The following ZC3H12B variants were observed in gnomAD, a reference collection of about 807,000 sequenced individuals.
ZC3H12B encodes the protein zinc finger CCCH-type containing 12B.
A neutral mutation model predicts 43.9 loss-of-function variants in ZC3H12B; 7 were observed. That is an observed-to-expected ratio of 0.16 (90% CI 0.09 to 0.30). The LOEUF (loss-of-function observed/expected upper bound fraction) is 0.30, where lower values mean the gene tolerates loss of function less well. ZC3H12B is among the 10% of genes least tolerant of loss of function. The probability of loss-of-function intolerance (pLI) is 1.00; values close to 1 mark genes in which losing one functional copy is unlikely to be tolerated. For missense variants in ZC3H12B, 475 were observed against 670.2 expected, an observed-to-expected ratio of 0.71 and a Z score of 3.22; for synonymous variants, 222 against 241.7, an observed-to-expected ratio of 0.92 and a Z score of 0.76.
chrX:65,367,498 T>A (rs928782075), intron 1 of ZC3H12B, among the ~76,000 whole-genome samples: 7 of 111,914 alleles, frequency 6.3e-5, no homozygotes, highest in African/African-American at 2.3e-4. Flanking sequence ...AATTTGCTTA[T>A]GTATAAATGA....
chrX:65,322,746 A>G, the ZC3H12B span, among the ~76,000 whole-genome samples: 13 of 111,511 alleles, frequency 1.2e-4, no homozygotes, highest in African/African-American at 4.2e-4. Context: ...TTCCACGCAA[A>G]GTTTAGAATT....
At chrX:65,429,483 G>A (rs1043223236) in intron 3 of ZC3H12B, among the ~76,000 whole-genome samples, 14 of 112,169 alleles carry the variant, frequency 1.2e-4, no homozygotes, top group African/African-American at 2.6e-4. Context: ...GGTTCCAACC[G>A]GTAAGGAGGA....
intron 2 of ZC3H12B, among the ~76,000 whole-genome samples, chrX:65,383,559 T>C (rs1484465101): frequency 1.8e-5 from 2 of 111,558 alleles, no homozygotes; most frequent in African/African-American, 6.5e-5. Flanking sequence ...ACTTCATGTC[T>C]AAAACACCAA....
At chrX:65,157,922 C>A in the ZC3H12B span, among the ~76,000 whole-genome samples, 1 of 69,060 alleles carries the variant, frequency 1.4e-5, no homozygotes, top group Non-Finnish European at 2.8e-5. Context: ...TCCCTCCCCC[C>A]TCCCCCCACC....
At chrX:65,364,490 A>G (rs1357835427), upstream of ZC3H12B, among the ~76,000 whole-genome samples, 2 of 109,711 alleles carry the variant, frequency 1.8e-5, no homozygotes, top group East Asian at 5.7e-4. Flanking sequence ...GGCAGTGCTT[A>G]TGCTGATAAT....
chrX:65,322,584 C>T, the ZC3H12B span, among the ~76,000 whole-genome samples: 1 of 111,641 alleles, frequency 9.0e-6, no homozygotes, highest in African/African-American at 3.3e-5. Context: ...GTTTTATATC[C>T]TTTTCCATTT....
chrX:65,297,701 C>T, the ZC3H12B span, among the ~76,000 whole-genome samples: 2 of 111,191 alleles, frequency 1.8e-5, no homozygotes, highest in African/African-American at 6.5e-5. Context: ...CAAGACTAAA[C>T]AAAAGGAACA....
At chrX:65,106,154 A>G in the ZC3H12B span, among the ~76,000 whole-genome samples, 2 of 111,604 alleles carry the variant, frequency 1.8e-5, no homozygotes, top group African/African-American at 6.5e-5. Context: ...ACTTCAAGAG[A>G]ATATTTTCAT....
the ZC3H12B span, among the ~76,000 whole-genome samples, chrX:65,144,210 T>C: frequency 8.9e-6 from 1 of 111,857 alleles, no homozygotes. Context: ...TATCTGATTC[T>C]TCCTGGTTTA....
the ZC3H12B span, among the ~76,000 whole-genome samples, chrX:65,172,321 A>G: frequency 5.4e-5 from 6 of 111,942 alleles, no homozygotes; most frequent in African/African-American, 1.9e-4. Flanking sequence ...AGTTCCCTGT[A>G]GATTCTAGAT....
chrX:65,242,572 A>C, the ZC3H12B span, among the ~76,000 whole-genome samples: 1 of 112,288 alleles, frequency 8.9e-6, no homozygotes, highest in Non-Finnish European at 1.9e-5. Flanking sequence ...AGTGATCTAC[A>C]AATTTAATGC....
chrX:65,407,794 C>G (rs1288165196), intron 3 of ZC3H12B, among the ~76,000 whole-genome samples: 1 of 113,425 alleles, frequency 8.8e-6, no homozygotes, highest in Non-Finnish European at 1.9e-5. Flanking sequence ...CCCCCGCGCA[C>G]AGTCCCCGAA....
chrX:65,383,872 G>T (rs1213066142), intron 2 of ZC3H12B, among the ~76,000 whole-genome samples: 2 of 106,883 alleles, frequency 1.9e-5, no homozygotes, highest in African/African-American at 6.8e-5. Context: ...GGAAACAACA[G>T]GTGCTGGAGA....
the ZC3H12B span, among the ~76,000 whole-genome samples, chrX:65,103,180 A>G: frequency 1.5e-4 from 17 of 111,543 alleles, no homozygotes; most frequent in Middle Eastern, 4.6e-3. Context: ...CTGCAACTGT[A>G]TAAGACAGAC....
chrX:65,408,825 T>G (rs1161183121), intron 3 of ZC3H12B, among the ~76,000 whole-genome samples: 1 of 112,018 alleles, frequency 8.9e-6, no homozygotes, highest in Non-Finnish European at 1.9e-5. Flanking sequence ...CCCTGGAAGT[T>G]TGCAGGGTTT....
intron 2 of ZC3H12B, among the ~76,000 whole-genome samples, chrX:65,396,202 G>T (rs754228825): frequency 4.5e-5 from 5 of 111,446 alleles, no homozygotes; most frequent in African/African-American, 1.6e-4. Flanking sequence ...TCTGATCTTA[G>T]TTATTTCTTG....
chrX:65,476,184 C>A (rs1208827502), intron 3 of ZC3H12B, among the ~76,000 whole-genome samples: 1 of 111,659 alleles, frequency 9.0e-6, no homozygotes, highest in Non-Finnish European at 1.9e-5. Flanking sequence ...TCATTTATTT[C>A]TTTAAATGAG....
chrX:65,347,882 T>C, the ZC3H12B span, among the ~76,000 whole-genome samples: 1 of 112,489 alleles, frequency 8.9e-6, no homozygotes, highest in East Asian at 2.8e-4. Flanking sequence ...GTGGCACATG[T>C]ACACCATGGA....
At chrX:65,351,608 A>G in the ZC3H12B span, among the ~76,000 whole-genome samples, 8 of 112,688 alleles carry the variant, frequency 7.1e-5, no homozygotes, top group Non-Finnish European at 1.5e-4. Context: ...AAAGGACTTA[A>G]ACAAATTTAC....
Sources: gnomAD v4.1 joint callset for allele counts (sites outside exome capture counted in the v4.1 genomes callset) on GRCh38, gnomAD v4.1.1 for gene constraint, MANE v1.5 for transcripts, NCBI Gene and HGNC (gene_info 2026-07-23, HGNC 2026-07-21) for gene names.